SNTB1: variants seen among roughly 807,000 people sequenced by gnomAD.
The protein encoded by SNTB1 is beta-1-syntrophin.
In SNTB1, 36 loss-of-function variants were observed where a neutral mutation model predicts 48.9. That is an observed-to-expected ratio of 0.74 (90% CI 0.56 to 0.97). The LOEUF (loss-of-function observed/expected upper bound fraction) is 0.97. Ranked by LOEUF, SNTB1 falls within the 50% of genes least tolerant of loss-of-function variation. The probability of loss-of-function intolerance (pLI) is 0.00; values close to 1 mark genes in which losing one functional copy is unlikely to be tolerated. For missense variants in SNTB1, 786 were observed against 703.4 expected (o/e 1.12, Z -1.33); for synonymous variants, 299 against 294.6 (o/e 1.01, Z -0.15).
intron 1 of SNTB1, among the ~76,000 whole-genome samples, chr8:120,712,230 C>T (rs369833020): frequency 2.1e-4 from 32 of 151,838 alleles, no homozygotes; most frequent in South Asian, 6.3e-4. Context: ...CTGGCTAACA[C>T]GGTGAAACCC....
chr8:120,640,317 T>C (rs1202759570), intron 2 of SNTB1, among the ~76,000 whole-genome samples: 2 of 152,242 alleles, frequency 1.3e-5, no homozygotes, highest in Non-Finnish European at 1.5e-5. Context: ...AATCATGTCA[T>C]CTGCAAACAG....
chr8:120,609,656 A>G (rs1204521446), intron 3 of SNTB1, among the ~76,000 whole-genome samples: 1 of 152,280 alleles, frequency 6.6e-6, no homozygotes, highest in African/African-American at 2.4e-5. Flanking sequence ...CAATGAGTAC[A>G]GATTACTTTT....
intron 2 of SNTB1, among the ~76,000 whole-genome samples, chr8:120,642,125 G>A (rs930569221): frequency 1.1e-4 from 16 of 152,138 alleles, no homozygotes; most frequent in South Asian, 4.1e-4. Context: ...GAAGGGCTGC[G>A]CCATAGGTTC....
chr8:120,634,953 G>A (rs1316399683), intron 2 of SNTB1, among the ~76,000 whole-genome samples: 1 of 151,184 alleles, frequency 6.6e-6, no homozygotes, highest in East Asian at 1.9e-4. Flanking sequence ...CCAGGTTCAC[G>A]CCATTCTCCT....
intron 2 of SNTB1, among the ~76,000 whole-genome samples, chr8:120,671,607 A>T (rs1817758472): frequency 6.6e-6 from 1 of 152,248 alleles, no homozygotes; most frequent in South Asian, 2.1e-4. Context: ...GGTTTTGGCC[A>T]TCAAGACATT....
intron 2 of SNTB1, chr8:120,636,897 C>T (rs930181061): frequency 5.7e-5 from 14 of 246,802 alleles, no homozygotes; most frequent in South Asian, 2.3e-4. Context: ...TATAGAGACC[C>T]GAATTTCTGG....
intron 1 of SNTB1, among the ~76,000 whole-genome samples, chr8:120,721,140 T>C (rs1050902208): frequency 3.9e-5 from 6 of 152,210 alleles, no homozygotes; most frequent in Admixed American, 3.3e-4. Flanking sequence ...CATGGAACCC[T>C]AGACTTCTAT....
At chr8:120,620,462 T>C (rs1436979294) in intron 3 of SNTB1, among the ~76,000 whole-genome samples, 1 of 152,068 alleles carries the variant, frequency 6.6e-6, no homozygotes. Context: ...AAGCCCCTGC[T>C]CTTCCTTCTA....
intron 3 of SNTB1, among the ~76,000 whole-genome samples, chr8:120,622,613 T>C (rs1420111298): frequency 6.6e-6 from 1 of 152,120 alleles, no homozygotes; most frequent in Admixed American, 6.5e-5. Context: ...TAAATGCCAA[T>C]GTGAGTTATC....
chr8:120,731,942 A>T (rs1024537753), intron 1 of SNTB1, among the ~76,000 whole-genome samples: 1 of 152,206 alleles, frequency 6.6e-6, no homozygotes, highest in African/African-American at 2.4e-5. Context: ...TGACAATTTT[A>T]TTTCATGGGA....
At chr8:120,724,733 G>A (rs1818724333) in intron 1 of SNTB1, among the ~76,000 whole-genome samples, 1 of 152,110 alleles carries the variant, frequency 6.6e-6, no homozygotes, top group African/African-American at 2.4e-5. Context: ...GAGGAAGGAA[G>A]AAAAGCCAGG....
intron 1 of SNTB1, among the ~76,000 whole-genome samples, chr8:120,790,863 C>T (rs1820018249): frequency 1.3e-5 from 2 of 151,750 alleles, no homozygotes. Context: ...ATGTCAACAT[C>T]ATTTTTTAAA....
chr8:120,739,977 A>C (rs4871108), intron 1 of SNTB1, among the ~76,000 whole-genome samples: 19,902 of 152,162 alleles, frequency 0.13, 1,696 homozygotes, highest in African/African-American at 0.23. Context: ...ACATGACCCC[A>C]TGTTCCTAGA....
chr8:120,577,444 A>G (rs1815968452), intron 3 of SNTB1, among the ~76,000 whole-genome samples: 1 of 152,250 alleles, frequency 6.6e-6, no homozygotes. Flanking sequence ...GCAATGTACC[A>G]GACTCTGCAA....
chr8:120,722,755 C>A (rs1818685573), intron 1 of SNTB1, among the ~76,000 whole-genome samples: 1 of 152,168 alleles, frequency 6.6e-6, no homozygotes, highest in South Asian at 2.1e-4. Flanking sequence ...AATTAGATCC[C>A]ATTTGTCAAT....
At chr8:120,718,580 T>C (rs1203912594) in intron 1 of SNTB1, among the ~76,000 whole-genome samples, 5 of 152,350 alleles carry the variant, frequency 3.3e-5, no homozygotes, top group Middle Eastern at 6.8e-3. Flanking sequence ...TTCATACTCA[T>C]GTTTTGGGCT....
chr8:120,726,667 C>T (rs1818760398), intron 1 of SNTB1, among the ~76,000 whole-genome samples: 1 of 152,104 alleles, frequency 6.6e-6, no homozygotes, highest in African/African-American at 2.4e-5. Context: ...AATTTAGAGC[C>T]ATTATCTGGA....
At chr8:120,714,282 C>A (rs915595203) in intron 1 of SNTB1, among the ~76,000 whole-genome samples, 3 of 152,116 alleles carry the variant, frequency 2.0e-5, no homozygotes, top group African/African-American at 7.2e-5. Context: ...TGCGTGCAAG[C>A]CATCCATAAT....
intron 3 of SNTB1, among the ~76,000 whole-genome samples, chr8:120,618,499 A>G (rs1385247205): frequency 1.3e-5 from 2 of 152,180 alleles, no homozygotes; most frequent in African/African-American, 2.4e-5. Flanking sequence ...TCATAGTCCC[A>G]CTACTTTCAC....
Sources: gnomAD v4.1 joint callset for allele counts (sites outside exome capture counted in the v4.1 genomes callset) on GRCh38, gnomAD v4.1.1 for gene constraint, MANE v1.5 for transcripts, NCBI Gene and HGNC (gene_info 2026-07-23, HGNC 2026-07-21) for gene names.